JOSD1: variants seen among roughly 807,000 people sequenced by gnomAD.
JOSD1 encodes josephin-1.
A neutral mutation model predicts 24.3 loss-of-function variants in JOSD1; 11 were observed. The observed-to-expected ratio is 0.45, with a 90% CI of 0.29 to 0.75. The LOEUF (loss-of-function observed/expected upper bound fraction) is 0.75, where lower values mean the gene tolerates loss of function less well. Among genes scored for constraint, JOSD1 ranks in the 30% least tolerant of loss-of-function variants. The pLI is 0.11. For synonymous variants in JOSD1, 106 were observed against 93.8 expected, an observed-to-expected ratio of 1.13 and a Z score of -0.75; for missense variants, 184 against 253.5, an observed-to-expected ratio of 0.73 and a Z score of 1.86.
intron 2 of JOSD1, among the ~76,000 whole-genome samples, chr22:38,692,012 T>C (rs2092524748): frequency 6.6e-6 from 1 of 152,324 alleles, no homozygotes; most frequent in African/African-American, 2.4e-5. Context: ...GTCCTTCTCT[T>C]TCCCTGTAAA....
chr22:38,689,810 C>T (rs574534773), intron 2 of JOSD1, among the ~76,000 whole-genome samples: 1 of 151,940 alleles, frequency 6.6e-6, no homozygotes, highest in South Asian at 2.1e-4. Flanking sequence ...CAAAGGCATA[C>T]AGGAGCCTAG....
chr22:38,701,070 A>C, upstream of JOSD1: 1 of 805,730 alleles, frequency 1.2e-6, no homozygotes, highest in Non-Finnish European at 1.5e-6. Context: ...CGTAAGTCTG[A>C]CGTCATCGGC....
rs370730398 is a variant in JOSD1 at position 38,685,644 on chromosome 22, T to C, written c.*2258A>G. On this transcript the variant is annotated 3_prime_UTR_variant, in exon 5 of 5. Coordinates refer to ENST00000683374, the MANE Select transcript of JOSD1 (RefSeq NM_001360236.2). ...TATGGAGTTTTCCATTTTTAATATT[T>C]GGTTAAACAAAATACATCTTTTGTA... 1.4e-4 allele frequency: 22 copies of C among 152,768 alleles called. No individual in the cohort carries two copies. The East Asian group carries it at 4.2e-3, about 29-fold the overall frequency. The allele number at this position is 152,768 out of a possible 1,614,324, so 9.5% of individuals were successfully genotyped here. A position where few individuals can be genotyped will look rare whatever the true frequency, so the allele number is the denominator to read the frequency against.
rs559501538 is a variant in JOSD1, at chr22:38,691,612, G to A, written c.186-2188C>T. On this transcript the variant is annotated intron_variant, in intron 2 of 4. Coordinates refer to ENST00000683374, the MANE Select transcript of JOSD1 (RefSeq NM_001360236.2). ...ACTCACTGTTCCCGCTGTCTAGAATGTTCTTTCTGTAGTTCCTTATTGTTT... is the reference window on the plus strand; with the variant it reads ...ACTCACTGTTCCCGCTGTCTAGAATATTCTTTCTGTAGTTCCTTATTGTTT... Among the ~76,000 whole-genome samples the A allele has an allele frequency of 1.3e-4, 20 of 152,282 alleles. No individual in the cohort carries two copies. In the East Asian group the frequency reaches 3.7e-3, roughly 28 times the overall value.
At chr22:38,692,276 C>A (rs1422816791) in intron 2 of JOSD1, among the ~76,000 whole-genome samples, 1 of 152,176 alleles carries the variant, frequency 6.6e-6, no homozygotes, top group East Asian at 1.9e-4. Context: ...TGCCCATGAG[C>A]ACTTGCAAGT....
At chr22:38,688,498 G>T (rs933691040) in intron 4 of JOSD1, among the ~76,000 whole-genome samples, 3 of 152,098 alleles carry the variant, frequency 2.0e-5, no homozygotes, top group Non-Finnish European at 4.4e-5. Flanking sequence ...CCTGACCTCA[G>T]GTGATCCACC....
At position 38,689,289 on chromosome 22, in the gene JOSD1, A is replaced by G; in HGVS notation, c.314+7T>C. The G allele has an allele frequency of 6.2e-7, 1 of 1,614,250 alleles. No individual in the cohort carries two copies. Among genetic ancestry groups the G allele is most frequent in the Non-Finnish European group, 8.5e-7 (1 of 1,180,038 alleles). ...TTCTCCATCAAGTCAAGCCTGATTCAGATTACCTGCGCTTGTCCCACCAAA... is the reference window on the plus strand; with the variant it reads ...TTCTCCATCAAGTCAAGCCTGATTCGGATTACCTGCGCTTGTCCCACCAAA... On this transcript the variant is annotated splice_region_variant and intron_variant, in intron 3 of 4. Transcript: ENST00000683374.
chr22:38,689,508 T>C, intron 2 of JOSD1, 84 bp from the exon 3 acceptor site: 1 of 1,539,338 alleles, frequency 6.5e-7, no homozygotes, highest in Non-Finnish European at 8.8e-7. Context: ...GAGAGCACTT[T>C]ACATCACTGC....
At chr22:38,697,006 T>A (rs1475962344) in intron 2 of JOSD1, among the ~76,000 whole-genome samples, 1 of 152,240 alleles carries the variant, frequency 6.6e-6, no homozygotes. Context: ...AATTGATCAC[T>A]TTTCACTTTT....
Position 38,686,640 on chromosome 22 carries a change from C to G in JOSD1, c.*1262G>C, listed in dbSNP as rs1354956905. On this transcript the variant is annotated 3_prime_UTR_variant, in exon 5 of 5. Coordinates refer to ENST00000683374, the MANE Select transcript of JOSD1 (RefSeq NM_001360236.2). Reference sequence around the variant, plus strand: ...GAAGATGACCAGCCCAGGTCCTATTCCATCCATACAGCACAGAACCACCCA... The same window carrying G: ...GAAGATGACCAGCCCAGGTCCTATTGCATCCATACAGCACAGAACCACCCA... 1.3e-5 allele frequency: 2 copies of G among 152,250 alleles called. No homozygotes were observed. The highest frequency in any genetic ancestry group is 4.8e-5 in the African/African-American group (2 of 41,436). 9.4% of individuals were successfully genotyped at this position (152,250 alleles called of 1,614,324 possible).
In JOSD1 at chr22:38,700,106, A is replaced by C. The variant is rs1224304964; in HGVS notation, c.-119T>G. 7.0e-7 allele frequency: 1 copy of C among 1,433,104 alleles called. No homozygotes were observed. The highest frequency in any genetic ancestry group is 9.1e-7 in the Non-Finnish European group (1 of 1,093,090). 88.8% of individuals were successfully genotyped at this position (1,433,104 alleles called of 1,614,324 possible). A position where few individuals can be genotyped will look rare whatever the true frequency, so the allele number is the denominator to read the frequency against. On this transcript the variant is annotated 5_prime_UTR_variant, in exon 2 of 5. It removes an upstream start codon present in the reference 5' UTR. Coordinates refer to ENST00000683374, the MANE Select transcript of JOSD1 (RefSeq NM_001360236.2). ...AGGTCCACCTTATTCTCTGGTGTCC[A>C]TGATTTATGCTTTGTCACTGGGAGA...
intron 2 of JOSD1, among the ~76,000 whole-genome samples, chr22:38,692,596 T>C (rs914357525): frequency 4.6e-5 from 7 of 151,318 alleles, no homozygotes; most frequent in African/African-American, 1.7e-4. Flanking sequence ...TTGGCCAACA[T>C]AGTGAAACCC....
Position 38,690,471 on chromosome 22 carries a change from C to T in JOSD1, c.186-1047G>A, listed in dbSNP as rs535618645. Among the ~76,000 whole-genome samples the T allele has an allele frequency of 3.2e-4, 48 of 151,840 alleles. 1 individual carries two copies. Among genetic ancestry groups the T allele is most frequent in the African/African-American group, 1.1e-3 (46 of 41,366 alleles). ...AGGCTGGAGTGTGATGGCGCGATCTCAGCCCACTGCAACCTCCGTCTCCTG... is the reference window on the plus strand; with the variant it reads ...AGGCTGGAGTGTGATGGCGCGATCTTAGCCCACTGCAACCTCCGTCTCCTG... On this transcript the variant is annotated intron_variant, in intron 2 of 4. Transcript: ENST00000683374.
chr22:38,689,609 T>C (rs2092513029), intron 2 of JOSD1, among the ~76,000 whole-genome samples, 185 bp from the exon 3 acceptor site: 1 of 152,202 alleles, frequency 6.6e-6, no homozygotes, highest in South Asian at 2.1e-4. Context: ...GACTCACTTA[T>C]GAAATCCCAG....
intron 2 of JOSD1, among the ~76,000 whole-genome samples, chr22:38,694,324 G>A (rs2092535657): frequency 6.6e-6 from 1 of 152,182 alleles, no homozygotes; most frequent in African/African-American, 2.4e-5. Flanking sequence ...TGAGTGGCAG[G>A]GCTAGGGTCA....
chr22:38,700,415 C>T lies in JOSD1; in HGVS notation c.-428G>A. The T allele has an allele frequency of 1.0e-6, 1 of 987,990 alleles. No homozygotes were observed. The highest frequency in any genetic ancestry group is 1.2e-6 in the Non-Finnish European group (1 of 831,628). The allele number at this position is 987,990 out of a possible 1,614,324, so 61.2% of individuals were successfully genotyped here. ...CTCCTTTTCTTCCATTTCTTTTGAA[C>T]CACGACGCCAATGACTCGGGAGACA... On this transcript the variant is annotated 5_prime_UTR_variant, in exon 2 of 5. Coordinates refer to ENST00000683374, the MANE Select transcript of JOSD1 (RefSeq NM_001360236.2).
chr22:38,688,835 G>T, intron 4 of JOSD1, 100 bp downstream of exon 4: 2 of 1,120,442 alleles, frequency 1.8e-6, no homozygotes, highest in South Asian at 1.5e-5. Flanking sequence ...AAGGGCACAG[G>T]AATTTCATTT....
chr22:38,699,874 G>C lies in JOSD1; in HGVS notation c.114C>G (p.Leu38=), dbSNP rs372925350. ...CCTGGAAGACGTTATTGAGGGCGTG[G>C]AGGGCACAAAGCTCCCTGCGCTGTT... ...HEKQRRELCA[L]HALNNVFQDS... The change falls in exon 2 of 5, where the codon CTC becomes CTG. Residue 38 remains leucine, a synonymous_variant. Coordinates refer to ENST00000683374, the MANE Select transcript of JOSD1 (RefSeq NM_001360236.2). 3.1e-6 allele frequency: 5 copies of C among 1,614,098 alleles called. No individual in the cohort carries two copies. The highest frequency in any genetic ancestry group is 4.2e-6 in the Non-Finnish European group (5 of 1,180,032).
chr22:38,699,731 G>C, intron 2 of JOSD1, 72 bp downstream of exon 2: 2 of 1,423,524 alleles, frequency 1.4e-6, no homozygotes, highest in Non-Finnish European at 2.0e-6. Flanking sequence ...GGTTTATGAA[G>C]CTGAGACACT....
Sources: allele counts gnomAD v4.1 joint callset (sites outside exome capture counted in the v4.1 genomes callset), GRCh38; gene constraint gnomAD v4.1.1; transcripts MANE v1.5; gene names NCBI Gene and HGNC (gene_info 2026-07-23, HGNC 2026-07-21).